The following CTNNA3 variants were observed in gnomAD, a reference collection of about 807,000 sequenced individuals.
CTNNA3 encodes the protein catenin alpha-3.
In CTNNA3, 76 loss-of-function variants were observed where a neutral mutation model predicts 95.7. The observed-to-expected ratio is 0.79, with a 90% CI of 0.66 to 0.96. The LOEUF (loss-of-function observed/expected upper bound fraction) is 0.96. Among genes scored for constraint, CTNNA3 ranks in the 40% least tolerant of loss-of-function variants. The probability of loss-of-function intolerance (pLI) is 0.00; values close to 1 mark genes in which losing one functional copy is unlikely to be tolerated. For synonymous variants in CTNNA3, 431 were observed against 374.4 expected (o/e 1.15, Z -1.74); for missense variants, 1,191 against 1,089.8 (o/e 1.09, Z -1.31).
intron 14 of CTNNA3, among the ~76,000 whole-genome samples, chr10:66,088,469 T>C (rs963493205): frequency 2.7e-5 from 4 of 148,538 alleles, no homozygotes; most frequent in Non-Finnish European, 3.0e-5. Context: ...CATATTTATG[T>C]AGATAGGTAG....
intron 3 of CTNNA3, among the ~76,000 whole-genome samples, chr10:67,579,559 G>C (rs892713472): frequency 6.6e-6 from 1 of 152,076 alleles, no homozygotes; most frequent in Non-Finnish European, 1.5e-5. Flanking sequence ...GATCCTTTGG[G>C]TATATACCCA....
At chr10:66,077,704 CCCCT>C (rs751972643) in intron 14 of CTNNA3, among the ~76,000 whole-genome samples, 12,459 of 151,596 alleles carry the variant, frequency 0.082, 754 homozygotes, top group East Asian at 0.19. Context: ...CTGTATGGAG[CCCCT>C]AAAACAAGAT....
intron 1 of CTNNA3, among the ~76,000 whole-genome samples, chr10:67,760,929 C>T (rs540954130): frequency 1.3e-5 from 2 of 152,198 alleles, no homozygotes; most frequent in African/African-American, 4.8e-5. Flanking sequence ...TTATATATTA[C>T]AATGTAATAA....
At chr10:66,291,204 T>C (rs756350358) in intron 12 of CTNNA3, among the ~76,000 whole-genome samples, 5 of 152,178 alleles carry the variant, frequency 3.3e-5, no homozygotes, top group Non-Finnish European at 7.4e-5. Context: ...CATTGCATTT[T>C]ATATGCATTG....
chr10:66,229,883 T>A (rs182032459), intron 13 of CTNNA3, among the ~76,000 whole-genome samples: 59 of 152,246 alleles, frequency 3.9e-4, no homozygotes, highest in Middle Eastern at 3.4e-3. Flanking sequence ...ATGTCTCTTA[T>A]ATCCTATAGA....
intron 3 of CTNNA3, among the ~76,000 whole-genome samples, chr10:67,593,277 C>T (rs1174504357): frequency 1.3e-5 from 2 of 152,132 alleles, no homozygotes; most frequent in Non-Finnish European, 2.9e-5. Flanking sequence ...CTGCAGTGAA[C>T]ACATGAGTGT....
intron 12 of CTNNA3, among the ~76,000 whole-genome samples, chr10:66,375,249 G>C (rs2092787524): frequency 6.6e-6 from 1 of 151,192 alleles, no homozygotes; most frequent in African/African-American, 2.4e-5. Context: ...AAAAAAGTTA[G>C]AAATAAAATT....
intron 13 of CTNNA3, among the ~76,000 whole-genome samples, chr10:66,189,600 TTA>T (rs539638553): frequency 4.7e-4 from 42 of 89,144 alleles, no homozygotes; most frequent in Admixed American, 4.2e-4. Flanking sequence ...TACTATAGAT[TTA>T]TATATATATA....
intron 16 of CTNNA3, among the ~76,000 whole-genome samples, chr10:65,976,500 T>C (rs1243084091): frequency 1.3e-5 from 2 of 152,188 alleles, no homozygotes; most frequent in Non-Finnish European, 2.9e-5. Flanking sequence ...AATGATCTTT[T>C]GAAATTCAAA....
chr10:67,587,193 T>TTGTGTGTG (rs57140243), intron 3 of CTNNA3, among the ~76,000 whole-genome samples: 8,125 of 129,990 alleles, frequency 0.063, 333 homozygotes, highest in Non-Finnish European at 0.087. Flanking sequence ...CCCAGCTAAC[T>TTGTGTGTG]TGTGTGTGTG....
chr10:65,920,670 T>C, intron 17 of CTNNA3, 53 bp from the exon 18 acceptor site: 2 of 1,572,488 alleles, frequency 1.3e-6, no homozygotes, highest in East Asian at 2.3e-5. Context: ...TTTTGTTAAT[T>C]ATTGCCAAGC....
At chr10:66,368,386 T>C (rs1415323868) in intron 12 of CTNNA3, among the ~76,000 whole-genome samples, 1 of 151,962 alleles carries the variant, frequency 6.6e-6, no homozygotes, top group Non-Finnish European at 1.5e-5. Context: ...TCTCCATGTT[T>C]CCAGCTGCTT....
chr10:67,563,239 A>G (rs1363001645), intron 3 of CTNNA3, among the ~76,000 whole-genome samples: 1 of 152,172 alleles, frequency 6.6e-6, no homozygotes, highest in Non-Finnish European at 1.5e-5. Context: ...ACTTCAAACT[A>G]TACTACAAGG....
Position 67,260,967 on chromosome 10 carries a change from G to GA in CTNNA3, c.580-41098dup, listed in dbSNP as rs551378795. On this transcript the variant is annotated intron_variant, in intron 5 of 17. Coordinates refer to ENST00000433211, the MANE Select transcript of CTNNA3 (RefSeq NM_013266.4). ...CCCAAAGTGCTAGGATTACAGGCGT[G>GA]AGCCACCACGCCCAGCGACTTTCAC... Among the ~76,000 whole-genome samples, 297 of 152,274 alleles carry GA rather than the reference G, an allele frequency of 2.0e-3. 2 individuals are homozygous for GA. Among genetic ancestry groups the GA allele is most frequent in the African/African-American group, 6.9e-3 (286 of 41,560 alleles).
At chr10:67,625,460 T>C (rs2076024169) in intron 2 of CTNNA3, among the ~76,000 whole-genome samples, 1 of 152,284 alleles carries the variant, frequency 6.6e-6, no homozygotes, top group African/African-American at 2.4e-5. Context: ...ATACTGCCAC[T>C]TATACTGTCC....
At chr10:67,118,866 TG>T (rs1200133699) in intron 7 of CTNNA3, among the ~76,000 whole-genome samples, 1 of 151,920 alleles carries the variant, frequency 6.6e-6, no homozygotes, top group East Asian at 1.9e-4. Context: ...GAATCAGAAC[TG>T]TTTATGTAGA....
At chr10:66,570,280 T>C (rs576026630) in intron 10 of CTNNA3, among the ~76,000 whole-genome samples, 1 of 138,162 alleles carries the variant, frequency 7.2e-6, no homozygotes. Flanking sequence ...ATATGATTTG[T>C]TTTGTTTTGT....
intron 15 of CTNNA3, among the ~76,000 whole-genome samples, chr10:66,061,764 C>T (rs554743322): frequency 1.4e-3 from 207 of 152,202 alleles, no homozygotes; most frequent in Non-Finnish European, 2.2e-3. Context: ...TGACTCAACC[C>T]CACACCTCAT....
At chr10:67,168,872 G>A (rs1329094762) in intron 7 of CTNNA3, among the ~76,000 whole-genome samples, 4 of 152,118 alleles carry the variant, frequency 2.6e-5, no homozygotes, top group Admixed American at 6.5e-5. Context: ...GATTCTATAT[G>A]TAGAAAACCC....
Sources: gnomAD v4.1 joint callset for allele counts (sites outside exome capture counted in the v4.1 genomes callset) on GRCh38, gnomAD v4.1.1 for gene constraint, MANE v1.5 for transcripts, NCBI Gene and HGNC (gene_info 2026-07-23, HGNC 2026-07-21) for gene names.